FBXW11: variants seen among roughly 807,000 people sequenced by gnomAD.
FBXW11 encodes F-box/WD repeat-containing protein 11.
FBXW11 carries 19 observed loss-of-function variants against 77.6 expected under a neutral mutation model. The ratio of observed to expected loss-of-function variants is 0.24; its 90% confidence interval spans 0.17 to 0.36. FBXW11 has a LOEUF of 0.36. FBXW11 is among the 10% of genes least tolerant of loss of function. The pLI, the probability that FBXW11 is intolerant of heterozygous loss-of-function variation, is 1.00. For synonymous variants in FBXW11, 235 were observed against 249.4 expected, an observed-to-expected ratio of 0.94 and a Z score of 0.54; for missense variants, 334 against 704.2, an observed-to-expected ratio of 0.47 and a Z score of 5.95.
At chr5:171,893,260 A>AT (rs1035418273) in intron 6 of FBXW11, among the ~76,000 whole-genome samples, 6 of 151,822 alleles carry the variant, frequency 4.0e-5, no homozygotes, top group Non-Finnish European at 8.8e-5. Context: ...GCAGGATGGT[A>AT]TATTTCCAAT....
At chr5:171,864,259 G>A (rs1325467199) in intron 13 of FBXW11, among the ~76,000 whole-genome samples, 158 bp from the exon 14 acceptor site, 1 of 152,154 alleles carries the variant, frequency 6.6e-6, no homozygotes, top group Non-Finnish European at 1.5e-5. Context: ...CTACATACCA[G>A]GTATCACATT....
intron 2 of FBXW11, among the ~76,000 whole-genome samples, chr5:171,953,138 TTTTTA>T (rs1242395316): frequency 6.6e-6 from 1 of 152,128 alleles, no homozygotes; most frequent in Non-Finnish European, 1.5e-5. Flanking sequence ...TCCACCTAAT[TTTTTA>T]TTTTGTTTTG....
At chr5:171,926,467 T>A (rs1001732252) in intron 2 of FBXW11, among the ~76,000 whole-genome samples, 6 of 152,156 alleles carry the variant, frequency 3.9e-5, no homozygotes, top group African/African-American at 1.4e-4. Flanking sequence ...GGTGACTGAA[T>A]CATGGGAGCG....
intron 6 of FBXW11, among the ~76,000 whole-genome samples, chr5:171,894,219 C>A (rs1053137552): frequency 3.9e-5 from 6 of 152,154 alleles, no homozygotes; most frequent in Admixed American, 2.0e-4. Context: ...CTGGGCTATA[C>A]CCTCTATCCC....
chr5:171,921,068 A>G (rs903603354), intron 2 of FBXW11, among the ~76,000 whole-genome samples: 8 of 152,232 alleles, frequency 5.3e-5, no homozygotes, highest in Non-Finnish European at 8.8e-5. Flanking sequence ...TGTGTCTGCT[A>G]TGGAATCTCA....
intron 2 of FBXW11, among the ~76,000 whole-genome samples, chr5:171,919,130 A>T (rs1291831191): frequency 6.6e-6 from 1 of 152,040 alleles, no homozygotes; most frequent in African/African-American, 2.4e-5. Context: ...CTTGCCATTA[A>T]ATTCATATTT....
intron 2 of FBXW11, among the ~76,000 whole-genome samples, chr5:171,950,908 A>T (rs547490821): frequency 2.0e-5 from 3 of 151,590 alleles, no homozygotes; most frequent in African/African-American, 4.8e-5. Flanking sequence ...TAAATAAATA[A>T]TTTTTTTTTA....
intron 1 of FBXW11, among the ~76,000 whole-genome samples, chr5:171,996,577 C>T (rs1193158957): frequency 1.3e-5 from 2 of 152,254 alleles, no homozygotes; most frequent in Admixed American, 6.5e-5. Context: ...GCAGGAAGAT[C>T]GTGTGAGGCC....
At position 172,006,522 on chromosome 5, in the gene FBXW11, C is replaced by A; in HGVS notation, c.-20G>T. Reference sequence around the variant, plus strand: ...CTCCATGGCGGCCCCGGCGGCCCCGCCTCGCTCTCCCCGCGCAGCAGCGAA... The same window carrying A: ...CTCCATGGCGGCCCCGGCGGCCCCGACTCGCTCTCCCCGCGCAGCAGCGAA... On this transcript the variant is annotated 5_prime_UTR_variant, in exon 1 of 14. Coordinates refer to ENST00000517395, the MANE Select transcript of FBXW11 (RefSeq NM_001378974.1). 1.3e-6 allele frequency: 2 copies of A among 1,500,558 alleles called. No individual in the cohort carries two copies. Among genetic ancestry groups the A allele is most frequent in the Non-Finnish European group, 1.8e-6 (2 of 1,123,374 alleles). The allele number at this position is 1,500,558 out of a possible 1,614,324, so 93.0% of individuals were successfully genotyped here.
chr5:171,963,578 T>G (rs1197876576), intron 1 of FBXW11, among the ~76,000 whole-genome samples: 2 of 152,166 alleles, frequency 1.3e-5, no homozygotes, highest in African/African-American at 4.8e-5. Flanking sequence ...CAATTTTACA[T>G]CAATGTGAAT....
chr5:172,004,867 G>GCACACACACACACACACA (rs112994412), intron 1 of FBXW11, among the ~76,000 whole-genome samples: 1 of 149,334 alleles, frequency 6.7e-6, no homozygotes, highest in Admixed American at 6.7e-5. Context: ...AACCCCACGT[G>GCACACACACACACACACA]CACACACACA....
intron 7 of FBXW11, among the ~76,000 whole-genome samples, chr5:171,879,622 T>C (rs1311356579): frequency 6.6e-6 from 1 of 152,240 alleles, no homozygotes; most frequent in Non-Finnish European, 1.5e-5. Flanking sequence ...GTGTTGTCAG[T>C]GTTCTGGATT....
chr5:171,933,554 G>A (rs1762326196), intron 2 of FBXW11, among the ~76,000 whole-genome samples: 1 of 152,176 alleles, frequency 6.6e-6, no homozygotes, highest in Non-Finnish European at 1.5e-5. Context: ...ATGTATCCCT[G>A]TGGTATGGGA....
At chr5:171,905,094 A>G (rs549033122) in intron 4 of FBXW11, among the ~76,000 whole-genome samples, 1 of 152,256 alleles carries the variant, frequency 6.6e-6, no homozygotes, top group Non-Finnish European at 1.5e-5. Context: ...TATCTATGAG[A>G]TTTGACCTAT....
chr5:171,894,805 G>A (rs1007507793), intron 6 of FBXW11, among the ~76,000 whole-genome samples: 1 of 151,250 alleles, frequency 6.6e-6, no homozygotes, highest in Admixed American at 6.6e-5. Flanking sequence ...CTGCTGTAAA[G>A]ATGGGAAGAG....
intron 10 of FBXW11, among the ~76,000 whole-genome samples, chr5:171,872,436 G>T (rs1218911145): frequency 6.6e-6 from 1 of 152,210 alleles, no homozygotes; most frequent in African/African-American, 2.4e-5. Flanking sequence ...AGAAAGCAGG[G>T]AGGCCGAGTG....
In FBXW11 at chr5:171,957,710, C is replaced by T; in HGVS notation, c.46-12G>A. The T allele has an allele frequency of 6.2e-7, 1 of 1,611,378 alleles. No homozygotes were observed. Among genetic ancestry groups the T allele is most frequent in the Non-Finnish European group, 8.5e-7 (1 of 1,177,904 alleles). The stretch of plus-strand genomic sequence containing the variant: ...CTTGGCACAGAACACTGCAGGATGA[C>T]AAAAAGGAAGGAAGAGAAGAAGCAG... On this transcript the variant is annotated splice_polypyrimidine_tract_variant and intron_variant, in intron 1 of 13. Coordinates refer to ENST00000517395, the MANE Select transcript of FBXW11 (RefSeq NM_001378974.1).
intron 1 of FBXW11, among the ~76,000 whole-genome samples, chr5:171,969,593 T>C (rs1401691699): frequency 1.3e-5 from 2 of 152,260 alleles, no homozygotes; most frequent in Non-Finnish European, 2.9e-5. Context: ...GCTTAAATTA[T>C]TTCCTGGTTT....
intron 1 of FBXW11, among the ~76,000 whole-genome samples, chr5:172,001,777 T>G (rs1047151638): frequency 1.3e-5 from 2 of 152,204 alleles, no homozygotes; most frequent in African/African-American, 4.8e-5. Context: ...AGGACTTCAT[T>G]AGCATAAATG....
Sources: allele counts gnomAD v4.1 joint callset (sites outside exome capture counted in the v4.1 genomes callset), GRCh38; gene constraint gnomAD v4.1.1; transcripts MANE v1.5; gene names NCBI Gene and HGNC (gene_info 2026-07-23, HGNC 2026-07-21).